DCDC1: variants seen among roughly 807,000 people sequenced by gnomAD.
DCDC1 encodes doublecortin domain-containing protein 1.
In DCDC1, 200 loss-of-function variants were observed where a neutral mutation model predicts 178.3. The ratio of observed to expected loss-of-function variants is 1.12; its 90% CI spans 1.00 to 1.26. The LOEUF is 1.26. Ranked by LOEUF, DCDC1 falls within the 50% of genes most tolerant of loss-of-function variation. The pLI is 0.00. For missense variants in DCDC1, 1,983 were observed against 1,749.2 expected, an observed-to-expected ratio of 1.13 and a Z score of -2.38; for synonymous variants, 690 against 604.8, an observed-to-expected ratio of 1.14 and a Z score of -2.07.
chr11:31,086,672 C>G (rs907860334), intron 17 of DCDC1, among the ~76,000 whole-genome samples: 2 of 152,060 alleles, frequency 1.3e-5, no homozygotes, highest in African/African-American at 2.4e-5. Flanking sequence ...AAGATACCTA[C>G]AGTTTTAGGT....
intron 3 of DCDC1, among the ~76,000 whole-genome samples, chr11:31,321,200 G>A (rs1346009842): frequency 2.1e-5 from 1 of 48,080 alleles, no homozygotes; most frequent in Non-Finnish European, 4.2e-5. Flanking sequence ...GAGCTTCCCG[G>A]CTGCTTTGTT....
chr11:31,289,883 C>G (rs966874608), intron 7 of DCDC1, among the ~76,000 whole-genome samples: 3 of 151,886 alleles, frequency 2.0e-5, no homozygotes, highest in African/African-American at 7.2e-5. Flanking sequence ...AAGATTCAAC[C>G]CTAGGCGTTT....
At chr11:31,292,319 T>C (rs906480461) in intron 6 of DCDC1, among the ~76,000 whole-genome samples, 1 of 152,170 alleles carries the variant, frequency 6.6e-6, no homozygotes, top group Non-Finnish European at 1.5e-5. Context: ...ACACACATGT[T>C]CATAGCAGCA....
rs554598463 is a variant in DCDC1, at chr11:31,038,478, A to C, written c.2591+25991T>G. 3.3e-5 allele frequency among the ~76,000 whole-genome samples: 5 copies of C among 152,322 alleles called. No homozygotes were observed. The East Asian group carries it at 9.6e-4, about 29-fold the overall frequency. The stretch of plus-strand genomic sequence containing the variant: ...TTCTGCCAAATCTTTGAAAAACAGA[A>C]CAAGACTTGAGGAGACTCTGGGATT... On this transcript the variant is annotated intron_variant, in intron 20 of 38. Transcript: ENST00000684477.
chr11:31,278,826 TAATA>T (rs1946187287), intron 7 of DCDC1, among the ~76,000 whole-genome samples: 1 of 152,056 alleles, frequency 6.6e-6, no homozygotes, highest in Non-Finnish European at 1.5e-5. Context: ...ATAACAATAA[TAATA>T]AATACATACT....
intron 17 of DCDC1, among the ~76,000 whole-genome samples, chr11:31,090,477 C>T (rs1332261701): frequency 6.6e-6 from 1 of 152,096 alleles, no homozygotes; most frequent in African/African-American, 2.4e-5. Context: ...ATAATGATAC[C>T]TACCCTATCA....
chr11:30,962,749 C>T (rs1488415790), intron 20 of DCDC1, among the ~76,000 whole-genome samples: 1 of 151,988 alleles, frequency 6.6e-6, no homozygotes, highest in African/African-American at 2.4e-5. Context: ...CTTTTACCTG[C>T]TATTTTGTTT....
At chr11:31,259,128 A>G (rs1944609096) in intron 8 of DCDC1, among the ~76,000 whole-genome samples, 2 of 152,136 alleles carry the variant, frequency 1.3e-5, no homozygotes, top group East Asian at 1.9e-4. Context: ...AGGCAGGCAG[A>G]TCACCTGAGG....
At chr11:31,059,318 G>A (rs587493) in intron 20 of DCDC1, among the ~76,000 whole-genome samples, 74,175 of 151,662 alleles carry the variant, frequency 0.49, 18,374 homozygotes, top group African/African-American at 0.57. Context: ...AAAATATACC[G>A]AAACCTAAAC....
At chr11:31,253,985 T>C (rs986856737) in intron 8 of DCDC1, among the ~76,000 whole-genome samples, 1 of 152,170 alleles carries the variant, frequency 6.6e-6, no homozygotes, top group Admixed American at 6.6e-5. Flanking sequence ...TGCTTTGACA[T>C]ATGCAAGTGT....
chr11:30,911,357 A>C lies in DCDC1; in HGVS notation c.3717T>G (p.Asn1239Lys), dbSNP rs1270198605. The C allele has an allele frequency of 1.2e-6, 2 of 1,605,972 alleles. No individual in the cohort carries two copies. The highest frequency in any genetic ancestry group is 3.4e-5 in the Admixed American group (2 of 59,032). Residue 1239 changes from asparagine (N) to lysine (K), a missense_variant, in exon 28 of 39, where the codon AAT becomes AAG. By Grantham distance (94) the Asn-to-Lys change is moderately conservative. Transcript: ENST00000684477. ...VLAVSMTKTR[N>K]EVCGYPVIVQ... ...CAATAACTGGATAGCCACAAACTTC[A>C]TTTCTAGTCTTGGTCATAGACACTG...
chr11:31,103,731 C>CG lies in DCDC1; in HGVS notation c.1789dup (p.Arg597ProfsTer9), dbSNP rs1332658582. On this transcript the variant is annotated frameshift_variant, in exon 14 of 39. Transcript: ENST00000684477. LOFTEE classifies it high-confidence loss of function. ...ATCACCTCTGGCAAATGCACTCACT[C>CG]GGTCAAAGGTCAAACCCAAAGCAAG... The CG allele has an allele frequency of 2.6e-6, 2 of 765,404 alleles. No homozygotes were observed. The highest frequency in any genetic ancestry group is 4.8e-6 in the Non-Finnish European group (2 of 417,618). 47.4% of individuals were successfully genotyped at this position (765,404 alleles called of 1,614,324 possible).
intron 36 of DCDC1, among the ~76,000 whole-genome samples, chr11:30,892,358 T>A (rs914549804): frequency 2.0e-5 from 3 of 151,992 alleles, no homozygotes; most frequent in Non-Finnish European, 4.4e-5. Context: ...ACAGAACATA[T>A]CTAGTAAATG....
At chr11:31,001,836 T>C (rs1032116702) in intron 20 of DCDC1, among the ~76,000 whole-genome samples, 2 of 152,202 alleles carry the variant, frequency 1.3e-5, no homozygotes, top group Non-Finnish European at 2.9e-5. Context: ...GTAAGGTGGT[T>C]AGCAAGATTT....
chr11:30,911,351 A>G lies in DCDC1; in HGVS notation c.3723T>C (p.Val1241=), dbSNP rs181714454. The change falls in exon 28 of 39, where the codon GTT becomes GTC. Residue 1241 remains valine (V), a synonymous_variant. Coordinates refer to ENST00000684477, the MANE Select transcript of DCDC1 (RefSeq NM_001387274.1). Reference sequence around the variant, plus strand: ...CCTGAACAATAACTGGATAGCCACAAACTTCATTTCTAGTCTTGGTCATAG... The same window carrying G: ...CCTGAACAATAACTGGATAGCCACAGACTTCATTTCTAGTCTTGGTCATAG... The part of the protein sequence containing the change: ...AVSMTKTRNE[V]CGYPVIVQKY... The G allele has an allele frequency of 1.2e-4, 198 of 1,605,624 alleles. 1 individual carries two copies. In the East Asian group the frequency reaches 4.0e-3, roughly 33 times the overall value.
At chr11:31,235,753 A>G (rs1976376112) in intron 9 of DCDC1, among the ~76,000 whole-genome samples, 1 of 151,994 alleles carries the variant, frequency 6.6e-6, no homozygotes, top group African/African-American at 2.4e-5. Flanking sequence ...TCTTTCCTTT[A>G]TGAGATGCAG....
chr11:31,011,805 TA>T (rs1256283789), intron 20 of DCDC1, among the ~76,000 whole-genome samples: 1 of 152,224 alleles, frequency 6.6e-6, no homozygotes, highest in Non-Finnish European at 1.5e-5. Flanking sequence ...ATTCAGTAAG[TA>T]AAACTAGTAA....
intron 9 of DCDC1, among the ~76,000 whole-genome samples, chr11:31,205,925 A>T (rs1971811320): frequency 6.6e-6 from 1 of 152,142 alleles, no homozygotes; most frequent in Admixed American, 6.5e-5. Flanking sequence ...TCTATCTCAA[A>T]AGCTGAACCT....
chr11:30,963,583 T>C (rs908275978), intron 20 of DCDC1, among the ~76,000 whole-genome samples: 2 of 152,092 alleles, frequency 1.3e-5, no homozygotes, highest in African/African-American at 4.8e-5. Flanking sequence ...TGTACTCCAC[T>C]AGTCCCTCTT....
Sources: gnomAD v4.1 joint callset for allele counts (sites outside exome capture counted in the v4.1 genomes callset) on GRCh38, gnomAD v4.1.1 for gene constraint, MANE v1.5 for transcripts, NCBI Gene and HGNC (gene_info 2026-07-23, HGNC 2026-07-21) for gene names.